Variants in NOD1 observed in about 807,000 individuals in gnomAD.
The protein encoded by NOD1 is nucleotide binding oligomerization domain containing 1.
Under a neutral mutation model 81.2 loss-of-function variants are expected in NOD1, and 70 were observed. The observed-to-expected ratio is 0.86, with a 90% CI of 0.71 to 1.05. NOD1 has a LOEUF of 1.05. Ranked by LOEUF, NOD1 falls within the 50% of genes least tolerant of loss-of-function variation. The pLI, the probability that NOD1 is intolerant of heterozygous loss-of-function variation, is 0.00. For missense variants in NOD1, 1,233 were observed against 1,228.0 expected (o/e 1.00, Z -0.06); for synonymous variants, 508 against 526.9 (o/e 0.96, Z 0.49).
At chr7:30,475,820 G>A (rs1562725701) in intron 1 of NOD1, 1 of 152,216 alleles carries the variant, frequency 6.6e-6, no homozygotes, top group African/African-American at 2.4e-5. Context: ...AAAAATGTCA[G>A]CTAACTGACA....
rs1161882342 is a variant in NOD1, at chr7:30,439,475, G to C, written c.2454-1819C>G. 5.0e-5 allele frequency among the ~76,000 whole-genome samples: 7 copies of C among 138,640 alleles called. No homozygotes were observed. In the East Asian group the frequency reaches 1.0e-3, roughly 20 times the overall value. 91.0% of individuals were successfully genotyped at this position (138,640 alleles called of 152,430 possible). The stretch of plus-strand genomic sequence containing the variant: ...CAAGGGATCAGGGAGTTCCCTTTCC[G>C]AGTCAAAGAAAGGGGTGACGGACGC... On this transcript the variant is annotated intron_variant, in intron 9 of 13. Transcript: ENST00000222823.
intron 5 of NOD1, among the ~76,000 whole-genome samples, chr7:30,453,335 C>T (rs1460587714): frequency 2.0e-5 from 3 of 152,096 alleles, no homozygotes; most frequent in Non-Finnish European, 2.9e-5. Context: ...CTTATTCCTC[C>T]GCACAGTGTC....
chr7:30,476,419 G>A (rs1381362512), intron 1 of NOD1, among the ~76,000 whole-genome samples: 1 of 152,202 alleles, frequency 6.6e-6, no homozygotes, highest in Non-Finnish European at 1.5e-5. Context: ...GCAGGCATCA[G>A]CAATTGTAGA....
intron 8 of NOD1, 168 bp from the exon 9 acceptor site, chr7:30,446,392 A>T (rs984934580): frequency 9.5e-6 from 6 of 629,714 alleles, no homozygotes; most frequent in Non-Finnish European, 2.8e-6. Flanking sequence ...GAGGGAACTG[A>T]AGCCCTGAGG....
intron 1 of NOD1, among the ~76,000 whole-genome samples, chr7:30,476,827 G>A (rs931889801): frequency 2.0e-5 from 3 of 152,200 alleles, no homozygotes; most frequent in Non-Finnish European, 2.9e-5. Context: ...GGCCCTGAGC[G>A]GGGCAGCAGG....
At chr7:30,471,105 G>A (rs554799079) in intron 1 of NOD1, among the ~76,000 whole-genome samples, 1 of 148,684 alleles carries the variant, frequency 6.7e-6, no homozygotes, top group African/African-American at 2.6e-5. Flanking sequence ...AGCTGAAGAC[G>A]TTTATTAACC....
At chr7:30,463,534 A>G (rs1487615183) in intron 1 of NOD1, 2 of 152,558 alleles carry the variant, frequency 1.3e-5, no homozygotes, top group East Asian at 1.9e-4. Context: ...AAGGAGTCTC[A>G]CCTCCTGGAG....
chr7:30,471,446 G>A (rs1788266424), intron 1 of NOD1, among the ~76,000 whole-genome samples: 1 of 152,260 alleles, frequency 6.6e-6, no homozygotes, highest in Non-Finnish European at 1.5e-5. Flanking sequence ...GCAGATGCCT[G>A]GAAGCAGCCA....
At chr7:30,433,528 C>T in intron 11 of NOD1, 1 of 298,490 alleles carries the variant, frequency 3.4e-6, no homozygotes, top group South Asian at 6.0e-5. Flanking sequence ...TCCTCTAGTC[C>T]CAGGGTCCCT....
chr7:30,430,863 A>AT (rs1783892613), intron 12 of NOD1, among the ~76,000 whole-genome samples: 1 of 152,172 alleles, frequency 6.6e-6, no homozygotes, highest in African/African-American at 2.4e-5. Flanking sequence ...CATACCCCAC[A>AT]AGGGCTAGGG....
At chr7:30,462,446 G>GT (rs1340408679) in intron 1 of NOD1, among the ~76,000 whole-genome samples, 1 of 135,214 alleles carries the variant, frequency 7.4e-6, no homozygotes, top group African/African-American at 2.7e-5. Context: ...TTTTTTTGCT[G>GT]TTTTTTCTTT....
At chr7:30,437,734 C>T (rs1784507327) in intron 9 of NOD1, 78 bp from the exon 10 acceptor site, 2 of 990,028 alleles carry the variant, frequency 2.0e-6, no homozygotes, top group South Asian at 3.5e-5. Flanking sequence ...TGCCAATGGC[C>T]ACAGCTCAGT....
At chr7:30,436,202 G>A (rs1435416872) in intron 10 of NOD1, 121 bp from the exon 11 acceptor site, 1 of 747,208 alleles carries the variant, frequency 1.3e-6, no homozygotes, top group Non-Finnish European at 2.3e-6. Context: ...GCTCACTCGG[G>A]GCAGGATGCA....
At chr7:30,472,907 G>A in intron 1 of NOD1, among the ~76,000 whole-genome samples, 1 of 152,238 alleles carries the variant, frequency 6.6e-6, no homozygotes, top group Non-Finnish European at 1.5e-5. Flanking sequence ...TATGGCCAGA[G>A]GCAGGGTCTG....
chr7:30,428,774 ATTAAGTTG>A (rs1433792809), intron 13 of NOD1, among the ~76,000 whole-genome samples: 1 of 152,154 alleles, frequency 6.6e-6, no homozygotes, highest in Non-Finnish European at 1.5e-5. Flanking sequence ...CACCCAGGCA[ATTAAGTTG>A]TTAAGGGAGC....
intron 1 of NOD1, among the ~76,000 whole-genome samples, chr7:30,471,603 G>A (rs1258355483): frequency 6.6e-6 from 1 of 152,246 alleles, no homozygotes; most frequent in Non-Finnish European, 1.5e-5. Context: ...GGTGAACAGA[G>A]CTGGGAAGGC....
At chr7:30,470,361 C>G (rs1210356830) in intron 1 of NOD1, among the ~76,000 whole-genome samples, 1 of 152,228 alleles carries the variant, frequency 6.6e-6, no homozygotes, top group Non-Finnish European at 1.5e-5. Flanking sequence ...AAGGCCAGCA[C>G]TGATGACAAG....
chr7:30,448,384 G>C lies in NOD1; in HGVS notation c.2202-3C>G. 6.2e-7 allele frequency: 1 copy of C among 1,613,146 alleles called. No homozygotes were observed. The highest frequency in any genetic ancestry group is 1.6e-4 in the Middle Eastern group (1 of 6,062). On this transcript the variant is annotated splice_polypyrimidine_tract_variant and splice_region_variant and intron_variant, in intron 6 of 13. Coordinates refer to ENST00000222823, the MANE Select transcript of NOD1 (RefSeq NM_006092.4). The stretch of plus-strand genomic sequence containing the variant: ...CAGTGATCTGGTTTACGCTGAGTCT[G>C]AAATAAAACAGCAAAAAAATTACGA...
intron 4 of NOD1, among the ~76,000 whole-genome samples, chr7:30,456,349 G>A (rs554947230): frequency 2.0e-5 from 3 of 152,274 alleles, no homozygotes; most frequent in African/African-American, 7.2e-5. Flanking sequence ...GTTCCCCTCC[G>A]AGTCTCACCC....
Sources: allele counts gnomAD v4.1 joint callset (sites outside exome capture counted in the v4.1 genomes callset), GRCh38; gene constraint gnomAD v4.1.1; transcripts MANE v1.5; gene names NCBI Gene and HGNC (gene_info 2026-07-23, HGNC 2026-07-21).